DCC: variants seen among roughly 807,000 people sequenced by gnomAD.
DCC encodes the protein DCC netrin 1 receptor, also known as netrin receptor DCC.
A neutral mutation model predicts 172.5 loss-of-function variants in DCC; 58 were observed. That is an observed-to-expected ratio of 0.34 (90% CI 0.27 to 0.42). DCC has a LOEUF of 0.42. Among genes scored for constraint, DCC ranks in the 10% least tolerant of loss-of-function variants. DCC has a pLI of 1.00. For synonymous variants in DCC, 709 were observed against 644.5 expected (o/e 1.10, Z -1.52); for missense variants, 1,740 against 1,791.0 (o/e 0.97, Z 0.51).
intron 1 of DCC, among the ~76,000 whole-genome samples, chr18:52,345,045 G>A (rs1983819528): frequency 6.6e-6 from 1 of 152,078 alleles, no homozygotes; most frequent in South Asian, 2.1e-4. Flanking sequence ...GAAGTTTCTG[G>A]CCCACACTAC....
chr18:52,825,231 T>C (rs1371010093), intron 2 of DCC, among the ~76,000 whole-genome samples: 1 of 152,194 alleles, frequency 6.6e-6, no homozygotes, highest in Non-Finnish European at 1.5e-5. Context: ...CTACATGATA[T>C]TGGTCAGCTT....
At chr18:53,045,536 A>G (rs1232452563) in intron 5 of DCC, among the ~76,000 whole-genome samples, 1 of 151,848 alleles carries the variant, frequency 6.6e-6, no homozygotes, top group Non-Finnish European at 1.5e-5. Context: ...ACATACATAC[A>G]GGCACACACA....
intron 26 of DCC, among the ~76,000 whole-genome samples, chr18:53,497,947 C>G (rs371064581): frequency 6.6e-6 from 1 of 152,286 alleles, no homozygotes; most frequent in East Asian, 1.9e-4. Context: ...TTTATCAAGT[C>G]TCTGCCTGTA....
intron 1 of DCC, among the ~76,000 whole-genome samples, chr18:52,721,795 C>A (rs962563460): frequency 3.3e-5 from 5 of 152,172 alleles, no homozygotes; most frequent in African/African-American, 4.8e-5. Context: ...GATGCCGAGG[C>A]AGGTGGATCA....
chr18:52,545,383 A>G (rs961039579), intron 1 of DCC, among the ~76,000 whole-genome samples: 2 of 152,186 alleles, frequency 1.3e-5, no homozygotes, highest in African/African-American at 4.8e-5. Flanking sequence ...GTAAGTGGAC[A>G]GGTTCTCTTG....
At chr18:53,062,103 T>A (rs1265950999) in intron 5 of DCC, among the ~76,000 whole-genome samples, 1 of 152,142 alleles carries the variant, frequency 6.6e-6, no homozygotes, top group Non-Finnish European at 1.5e-5. Flanking sequence ...TTTAGCCAAG[T>A]TGTTTAGAGG....
intron 3 of DCC, among the ~76,000 whole-genome samples, chr18:52,915,483 T>G (rs1267280592): frequency 6.6e-6 from 1 of 152,182 alleles, no homozygotes; most frequent in Non-Finnish European, 1.5e-5. Flanking sequence ...CATTGTAATG[T>G]TTTAACCTTT....
chr18:52,771,263 A>T (rs2037337913), intron 2 of DCC, among the ~76,000 whole-genome samples: 1 of 152,244 alleles, frequency 6.6e-6, no homozygotes, highest in Non-Finnish European at 1.5e-5. Context: ...GCAGTAAAGA[A>T]AAAGTATTCA....
intron 2 of DCC, among the ~76,000 whole-genome samples, chr18:52,847,562 C>T (rs934111130): frequency 3.3e-5 from 5 of 152,162 alleles, no homozygotes; most frequent in African/African-American, 9.7e-5. Flanking sequence ...AGCCAAACGA[C>T]GGTTCTATGA....
intron 12 of DCC, among the ~76,000 whole-genome samples, chr18:53,298,237 A>G (rs1315494731): frequency 6.6e-6 from 1 of 152,088 alleles, no homozygotes; most frequent in African/African-American, 2.4e-5. Flanking sequence ...GGAGATTCAG[A>G]TCACTTATTA....
At chr18:52,825,751 T>C (rs1209760692) in intron 2 of DCC, among the ~76,000 whole-genome samples, 1 of 152,202 alleles carries the variant, frequency 6.6e-6, no homozygotes, top group Non-Finnish European at 1.5e-5. Flanking sequence ...TCTGCTGCTC[T>C]ACACACCTAC....
intron 7 of DCC, among the ~76,000 whole-genome samples, chr18:53,102,176 A>T (rs545873836): frequency 6.6e-6 from 1 of 152,234 alleles, no homozygotes; most frequent in African/African-American, 2.4e-5. Flanking sequence ...TTTAATGCCC[A>T]TATGTGACAT....
intron 6 of DCC, among the ~76,000 whole-genome samples, chr18:53,064,964 A>C (rs2042546003): frequency 6.6e-6 from 1 of 152,284 alleles, no homozygotes; most frequent in Non-Finnish European, 1.5e-5. Flanking sequence ...TTCTCCCAGC[A>C]TGACTCATTA....
At chr18:52,605,589 A>C (rs1407206003) in intron 1 of DCC, among the ~76,000 whole-genome samples, 4 of 152,162 alleles carry the variant, frequency 2.6e-5, no homozygotes, top group Non-Finnish European at 2.9e-5. Flanking sequence ...AGAGTGTAAA[A>C]CATTTACAAT....
chr18:52,799,814 A>C (rs2052070592), intron 2 of DCC, among the ~76,000 whole-genome samples: 1 of 152,196 alleles, frequency 6.6e-6, no homozygotes, highest in South Asian at 2.1e-4. Flanking sequence ...AATAACTAGC[A>C]ATATAATAAT....
At chr18:53,217,309 A>T (rs1203437357) in intron 12 of DCC, among the ~76,000 whole-genome samples, 3 of 100,840 alleles carry the variant, frequency 3.0e-5, no homozygotes, top group Admixed American at 9.0e-5. Context: ...ACATATGTAT[A>T]TACACACACA....
intron 13 of DCC, among the ~76,000 whole-genome samples, chr18:53,311,280 C>A (rs2057264891): frequency 6.6e-6 from 1 of 152,062 alleles, no homozygotes; most frequent in South Asian, 2.1e-4. Context: ...CACCACCACA[C>A]CTGGCTAATT....
intron 7 of DCC, among the ~76,000 whole-genome samples, chr18:53,136,967 A>T (rs1461526293): frequency 6.6e-6 from 1 of 152,220 alleles, no homozygotes; most frequent in African/African-American, 2.4e-5. Context: ...CCAGGCCCTA[A>T]AGGGCCATTC....
chr18:53,015,637 T>A (rs1408524835), intron 5 of DCC, among the ~76,000 whole-genome samples: 1 of 152,160 alleles, frequency 6.6e-6, no homozygotes, highest in Non-Finnish European at 1.5e-5. Flanking sequence ...AAACATTATG[T>A]TTACAATGTT....
Sources: allele counts gnomAD v4.1 joint callset (sites outside exome capture counted in the v4.1 genomes callset), GRCh38; gene constraint gnomAD v4.1.1; transcripts MANE v1.5; gene names NCBI Gene and HGNC (gene_info 2026-07-23, HGNC 2026-07-21).